CACNA2D3: variants seen among roughly 807,000 people sequenced by gnomAD.
The protein encoded by CACNA2D3 is voltage-dependent calcium channel subunit alpha-2/delta-3.
In CACNA2D3, 60 loss-of-function variants were observed where a neutral mutation model predicts 160.6. The ratio of observed to expected loss-of-function variants is 0.37; its 90% confidence interval spans 0.30 to 0.46. CACNA2D3 has a LOEUF of 0.46. Ranked by LOEUF, CACNA2D3 falls within the 20% of genes least tolerant of loss-of-function variation. The pLI is 1.00. For synonymous variants in CACNA2D3, 558 were observed against 492.9 expected (o/e 1.13, Z -1.75); for missense variants, 1,205 against 1,365.0 (o/e 0.88, Z 1.85).
chr3:54,605,406 C>G (rs1324221093), intron 9 of CACNA2D3, among the ~76,000 whole-genome samples: 1 of 152,140 alleles, frequency 6.6e-6, no homozygotes, highest in Non-Finnish European at 1.5e-5. Context: ...GACTCACCTT[C>G]TAACCCCATC....
chr3:54,769,117 C>G (rs1439810508), intron 13 of CACNA2D3, among the ~76,000 whole-genome samples: 6 of 152,072 alleles, frequency 3.9e-5, no homozygotes, highest in Non-Finnish European at 8.8e-5. Flanking sequence ...ACAACAAAAC[C>G]CCATCATTTA....
chr3:54,784,752 A>T (rs1009980064), intron 13 of CACNA2D3, among the ~76,000 whole-genome samples: 1 of 152,210 alleles, frequency 6.6e-6, no homozygotes, highest in African/African-American at 2.4e-5. Context: ...AAGAGGGAGC[A>T]GCAGACTTCG....
chr3:54,736,307 A>G (rs1701531353), intron 11 of CACNA2D3, among the ~76,000 whole-genome samples: 1 of 151,608 alleles, frequency 6.6e-6, no homozygotes, highest in Non-Finnish European at 1.5e-5. Context: ...TAAATGTACT[A>G]TAATTTAATC....
chr3:54,297,733 T>C (rs999392131), intron 2 of CACNA2D3, among the ~76,000 whole-genome samples: 1 of 134,110 alleles, frequency 7.5e-6, no homozygotes, highest in Non-Finnish European at 1.6e-5. Flanking sequence ...AAAAAAAGAG[T>C]GAAGAAATGG....
chr3:54,894,760 C>A, intron 25 of CACNA2D3: 1 of 434,488 alleles, frequency 2.3e-6, no homozygotes, highest in South Asian at 1.6e-5. Flanking sequence ...TCATGTCTAG[C>A]GAAAGAAATG....
chr3:55,030,721 C>T (rs1703668707), intron 35 of CACNA2D3, among the ~76,000 whole-genome samples: 1 of 152,116 alleles, frequency 6.6e-6, no homozygotes, highest in Admixed American at 6.6e-5. Context: ...TTCTTTTCCT[C>T]AGATGCTCAG....
At chr3:54,988,346 G>C (rs186511688) in intron 31 of CACNA2D3, among the ~76,000 whole-genome samples, 2 of 152,310 alleles carry the variant, frequency 1.3e-5, no homozygotes, top group East Asian at 3.9e-4. Flanking sequence ...AATAAAGCTT[G>C]TGTAGAGCAG....
chr3:54,818,160 G>A (rs1703500844), intron 14 of CACNA2D3, among the ~76,000 whole-genome samples: 1 of 152,122 alleles, frequency 6.6e-6, no homozygotes, highest in Non-Finnish European at 1.5e-5. Flanking sequence ...AATAATTCAT[G>A]AATTGGAGGT....
intron 4 of CACNA2D3, among the ~76,000 whole-genome samples, chr3:54,467,611 T>C: frequency 6.6e-6 from 1 of 152,154 alleles, no homozygotes; most frequent in East Asian, 1.9e-4. Flanking sequence ...TTATATTGAG[T>C]GAAATAAGCC....
intron 2 of CACNA2D3, among the ~76,000 whole-genome samples, chr3:54,209,173 G>A (rs1701325791): frequency 6.6e-6 from 1 of 152,330 alleles, no homozygotes. Flanking sequence ...GGAAGTCTCA[G>A]AATGTGGTCA....
At chr3:54,368,795 G>A (rs1351943623) in intron 3 of CACNA2D3, among the ~76,000 whole-genome samples, 2 of 135,448 alleles carry the variant, frequency 1.5e-5, no homozygotes, top group Non-Finnish European at 3.1e-5. Flanking sequence ...TCCGCCTCCT[G>A]GGTTCACGCC....
intron 13 of CACNA2D3, among the ~76,000 whole-genome samples, chr3:54,766,098 G>A (rs188613631): frequency 6.6e-6 from 1 of 152,086 alleles, no homozygotes; most frequent in African/African-American, 2.4e-5. Flanking sequence ...AGGCAATAAA[G>A]AGAAAGATAA....
intron 14 of CACNA2D3, among the ~76,000 whole-genome samples, chr3:54,829,161 C>T (rs569072946): frequency 3.8e-4 from 58 of 152,306 alleles, no homozygotes; most frequent in African/African-American, 1.4e-3. Flanking sequence ...TGGTCCCTTT[C>T]CAGGCATGAG....
chr3:54,127,704 T>A (rs959844801), intron 2 of CACNA2D3, among the ~76,000 whole-genome samples: 3 of 152,218 alleles, frequency 2.0e-5, no homozygotes, highest in Non-Finnish European at 4.4e-5. Flanking sequence ...TAGCAGGTTA[T>A]TTTTAAAAGC....
chr3:54,176,405 T>C (rs1041221774), intron 2 of CACNA2D3, among the ~76,000 whole-genome samples: 2 of 152,222 alleles, frequency 1.3e-5, no homozygotes, highest in African/African-American at 4.8e-5. Flanking sequence ...TTGAAGCTTT[T>C]CTTTTTGTGT....
At chr3:54,882,348 A>G (rs548139001) in intron 21 of CACNA2D3, among the ~76,000 whole-genome samples, 10 of 152,242 alleles carry the variant, frequency 6.6e-5, no homozygotes, top group Non-Finnish European at 1.2e-4. Flanking sequence ...TCAATCCTCA[A>G]TACATGGGCC....
At chr3:55,014,376 T>A (rs1188344310) in intron 34 of CACNA2D3, among the ~76,000 whole-genome samples, 1 of 152,226 alleles carries the variant, frequency 6.6e-6, no homozygotes, top group Non-Finnish European at 1.5e-5. Flanking sequence ...CTGAGCTCAG[T>A]GATCCTTGAA....
chr3:54,153,531 A>G (rs1459485332), intron 2 of CACNA2D3, among the ~76,000 whole-genome samples: 1 of 152,166 alleles, frequency 6.6e-6, no homozygotes, highest in Non-Finnish European at 1.5e-5. Context: ...AAAAAGACAA[A>G]TGTGGCCTCA....
intron 17 of CACNA2D3, among the ~76,000 whole-genome samples, chr3:54,850,222 C>G (rs1699026150): frequency 6.6e-6 from 1 of 152,138 alleles, no homozygotes; most frequent in Non-Finnish European, 1.5e-5. Flanking sequence ...GTGGCTCAGT[C>G]CTGTGTTAGA....
Sources: gnomAD v4.1 joint callset for allele counts (sites outside exome capture counted in the v4.1 genomes callset) on GRCh38, gnomAD v4.1.1 for gene constraint, MANE v1.5 for transcripts, NCBI Gene and HGNC (gene_info 2026-07-23, HGNC 2026-07-21) for gene names.